The following ITGA9 variants were observed in gnomAD, a reference collection of about 807,000 sequenced individuals.
The protein encoded by ITGA9 is integrin subunit alpha 9, also known as integrin alpha-9.
A neutral mutation model predicts 127.8 loss-of-function variants in ITGA9; 56 were observed. The ratio of observed to expected loss-of-function variants is 0.44; its 90% CI spans 0.35 to 0.55. The LOEUF is 0.55. Among genes scored for constraint, ITGA9 ranks in the 20% least tolerant of loss-of-function variants. The pLI, the probability that ITGA9 is intolerant of heterozygous loss-of-function variation, is 0.00. For synonymous variants in ITGA9, 508 were observed against 514.5 expected, an observed-to-expected ratio of 0.99 and a Z score of 0.17; for missense variants, 1,196 against 1,347.1, an observed-to-expected ratio of 0.89 and a Z score of 1.76.
chr3:37,521,681 T>A (rs1699045279), intron 11 of ITGA9, among the ~76,000 whole-genome samples: 1 of 152,228 alleles, frequency 6.6e-6, no homozygotes, highest in Non-Finnish European at 1.5e-5. Flanking sequence ...ACCCCTTCGC[T>A]CTGCCCCTCG....
chr3:37,532,341 G>A (rs569466927), intron 13 of ITGA9, among the ~76,000 whole-genome samples: 5 of 152,314 alleles, frequency 3.3e-5, no homozygotes, highest in Admixed American at 3.3e-4. Context: ...CATTGGAGTT[G>A]GTGTGGGTCA....
chr3:37,792,436 T>C (rs1371229698), intron 26 of ITGA9, among the ~76,000 whole-genome samples: 1 of 152,190 alleles, frequency 6.6e-6, no homozygotes, highest in Non-Finnish European at 1.5e-5. Flanking sequence ...GGAATGTTTC[T>C]ACAAGGAAGC....
intron 5 of ITGA9, among the ~76,000 whole-genome samples, chr3:37,495,046 T>C (rs1698713298): frequency 6.6e-6 from 1 of 152,168 alleles, no homozygotes; most frequent in Non-Finnish European, 1.5e-5. Flanking sequence ...TGATCTCGGC[T>C]CACTGCAATC....
rs374362889 is a variant in ITGA9 at position 37,797,145 on chromosome 3, T to G, written c.2890-6678T>G. Among the ~76,000 whole-genome samples the G allele has an allele frequency of 1.8e-3, 267 of 152,166 alleles. 1 individual carries two copies. The highest frequency in any genetic ancestry group is 5.9e-3 in the African/African-American group (244 of 41,508). On this transcript the variant is annotated intron_variant, in intron 26 of 27. Coordinates refer to ENST00000264741, the MANE Select transcript of ITGA9 (RefSeq NM_002207.3). ...AAGTTCAAGACCAGCCTGGGCAACATGGCAAAATCCTATCTCTACAAATAA... is the reference window on the plus strand; with the variant it reads ...AAGTTCAAGACCAGCCTGGGCAACAGGGCAAAATCCTATCTCTACAAATAA...
chr3:37,638,722 A>G (rs1040209633), intron 16 of ITGA9, among the ~76,000 whole-genome samples: 2 of 152,216 alleles, frequency 1.3e-5, no homozygotes, highest in Non-Finnish European at 2.9e-5. Context: ...ACCCAGGACT[A>G]TACAGAAGGG....
chr3:37,488,729 C>T lies in ITGA9; in HGVS notation c.545-5772C>T, dbSNP rs921812952. 4.6e-5 allele frequency among the ~76,000 whole-genome samples: 7 copies of T among 150,678 alleles called. No homozygotes were observed. In the East Asian group the frequency reaches 7.8e-4, roughly 17 times the overall value. On this transcript the variant is annotated intron_variant, in intron 4 of 27. Transcript: ENST00000264741. ...ACGAGAATCACTGGAACCTGGGAGG[C>T]GGCGGTTGTGGTGAGCCAGGATTGC...
chr3:37,808,562 GCATA>G (rs1559604871), intron 27 of ITGA9: 1 of 152,204 alleles, frequency 6.6e-6, no homozygotes, highest in African/African-American at 2.4e-5. Context: ...TAGCTATGCT[GCATA>G]CAAACTGCCC....
chr3:37,680,536 C>G (rs1700725717), intron 17 of ITGA9, among the ~76,000 whole-genome samples: 1 of 152,094 alleles, frequency 6.6e-6, no homozygotes, highest in Non-Finnish European at 1.5e-5. Flanking sequence ...TTTAGATGTC[C>G]CTGGCCTGAT....
chr3:37,578,506 GTT>G (rs1699674466), intron 15 of ITGA9, among the ~76,000 whole-genome samples: 1 of 152,184 alleles, frequency 6.6e-6, no homozygotes, highest in South Asian at 2.1e-4. Flanking sequence ...CCCTTAGGGA[GTT>G]CCTTCCTTTC....
intron 18 of ITGA9, among the ~76,000 whole-genome samples, chr3:37,707,822 G>A (rs1399371079): frequency 6.6e-6 from 1 of 152,130 alleles, no homozygotes; most frequent in Non-Finnish European, 1.5e-5. Context: ...AATTGTCTGT[G>A]GCTTCTTAGA....
chr3:37,652,124 AG>A (rs1700434933), intron 16 of ITGA9, among the ~76,000 whole-genome samples: 1 of 145,718 alleles, frequency 6.9e-6, no homozygotes, highest in Non-Finnish European at 1.5e-5. Flanking sequence ...GGGGTCTTGA[AG>A]GAAAAAAAAA....
chr3:37,678,146 G>A (rs1042919430), intron 17 of ITGA9, among the ~76,000 whole-genome samples: 2 of 152,192 alleles, frequency 1.3e-5, no homozygotes, highest in Non-Finnish European at 2.9e-5. Context: ...GGGAACAAAT[G>A]TCTCTTTGAG....
At position 37,780,669 on chromosome 3, in the gene ITGA9, T is replaced by A. The variant is rs76772154; in HGVS notation, c.2787+648T>A. 5.8e-4 allele frequency among the ~76,000 whole-genome samples: 88 copies of A among 152,360 alleles called. No individual in the cohort carries two copies. In the East Asian group the frequency reaches 0.015, roughly 26 times the overall value. Reference sequence around the variant, plus strand: ...GCAGGTATATTTTTTATACAATACTTCTTTCCCTTTGGGTATATACCCATT... The same window carrying A: ...GCAGGTATATTTTTTATACAATACTACTTTCCCTTTGGGTATATACCCATT... On this transcript the variant is annotated intron_variant, in intron 25 of 27. Transcript: ENST00000264741.
intron 8 of ITGA9, among the ~76,000 whole-genome samples, chr3:37,512,028 CT>C (rs1163367482): frequency 1.2e-4 from 3 of 24,264 alleles, no homozygotes; most frequent in Non-Finnish European, 3.0e-4. Context: ...CTTTTCTTTT[CT>C]TTCTTTCTTT....
intron 14 of ITGA9, among the ~76,000 whole-genome samples, chr3:37,534,131 T>A (rs1699185436): frequency 6.6e-6 from 1 of 152,194 alleles, no homozygotes; most frequent in Non-Finnish European, 1.5e-5. Context: ...TTGATTGGAA[T>A]TCAGAGCACG....
chr3:37,692,291 G>A (rs1464917886), intron 18 of ITGA9, among the ~76,000 whole-genome samples: 1 of 152,136 alleles, frequency 6.6e-6, no homozygotes, highest in Non-Finnish European at 1.5e-5. Context: ...AAATGCTGAG[G>A]GGGAAGAGGA....
chr3:37,639,706 G>C (rs1326723442), intron 16 of ITGA9, among the ~76,000 whole-genome samples: 2 of 152,278 alleles, frequency 1.3e-5, no homozygotes, highest in Middle Eastern at 3.4e-3. Context: ...GGGGAGGCCA[G>C]TTAAGAAAGA....
intron 13 of ITGA9, 37 bp from the exon 14 acceptor site, chr3:37,533,277 T>C (rs1348619512): frequency 6.2e-7 from 1 of 1,609,532 alleles, no homozygotes; most frequent in East Asian, 2.2e-5. Context: ...AGCTGCTCCT[T>C]ACCACGACTA....
intron 15 of ITGA9, among the ~76,000 whole-genome samples, chr3:37,550,843 A>G (rs1232312858): frequency 6.6e-6 from 1 of 152,190 alleles, no homozygotes; most frequent in East Asian, 1.9e-4. Context: ...CCAGCACACA[A>G]CTGAATATGT....
Sources: allele counts gnomAD v4.1 joint callset (sites outside exome capture counted in the v4.1 genomes callset), GRCh38; gene constraint gnomAD v4.1.1; transcripts MANE v1.5; gene names NCBI Gene and HGNC (gene_info 2026-07-23, HGNC 2026-07-21).